The following XPO7 variants were observed in gnomAD, a reference collection of about 807,000 sequenced individuals.
XPO7 encodes exportin-7.
Under a neutral mutation model 144.3 loss-of-function variants are expected in XPO7, and 21 were observed. The ratio of observed to expected loss-of-function variants is 0.15; its 90% CI spans 0.10 to 0.21. XPO7 has a LOEUF of 0.21. Ranked by LOEUF, XPO7 falls within the 10% of genes least tolerant of loss-of-function variation. The pLI, the probability that XPO7 is intolerant of heterozygous loss-of-function variation, is 1.00. For synonymous variants in XPO7, 580 were observed against 499.6 expected, an observed-to-expected ratio of 1.16 and a Z score of -2.15; for missense variants, 808 against 1,325.8, an observed-to-expected ratio of 0.61 and a Z score of 6.06.
At chr8:21,944,763 C>A (rs1280423070) in intron 1 of XPO7, among the ~76,000 whole-genome samples, 2 of 152,090 alleles carry the variant, frequency 1.3e-5, no homozygotes, top group Non-Finnish European at 2.9e-5. Flanking sequence ...CCGCCTTCCG[C>A]ATTGTTTGTG....
chr8:21,994,467 C>G lies in XPO7; in HGVS notation c.2237+16C>G. Reference sequence around the variant, plus strand: ...TTGAATGGATGTATCCTAACTCAAACTAGGAGCACACTACAGCCTGCCTTA... The same window carrying G: ...TTGAATGGATGTATCCTAACTCAAAGTAGGAGCACACTACAGCCTGCCTTA... On this transcript the variant is annotated intron_variant, in intron 20 of 27. Coordinates refer to ENST00000252512, the MANE Select transcript of XPO7 (RefSeq NM_015024.5). The G allele has an allele frequency of 6.2e-7, 1 of 1,605,084 alleles. No individual in the cohort carries two copies. The highest frequency in any genetic ancestry group is 8.5e-7 in the Non-Finnish European group (1 of 1,174,152).
intron 16 of XPO7, 103 bp from the exon 17 acceptor site, chr8:21,990,241 A>T (rs1356588779): frequency 8.5e-7 from 1 of 1,181,596 alleles, no homozygotes; most frequent in Admixed American, 1.9e-5. Flanking sequence ...TTTTTAAAAA[A>T]TAAGATATTT....
chr8:21,978,209 A>G (rs541122138), intron 8 of XPO7, among the ~76,000 whole-genome samples: 141 of 152,334 alleles, frequency 9.3e-4, no homozygotes, highest in Non-Finnish European at 1.7e-3. Context: ...TTAGGTGTAC[A>G]TTAGATTGTC....
chr8:21,980,396 G>T (rs893315628), intron 9 of XPO7, among the ~76,000 whole-genome samples, 193 bp downstream of exon 9: 1 of 152,172 alleles, frequency 6.6e-6, no homozygotes, highest in Admixed American at 6.5e-5. Flanking sequence ...TCCCGCTTCA[G>T]AAATGTAGGA....
intron 1 of XPO7, among the ~76,000 whole-genome samples, chr8:21,953,406 G>T (rs1811435102): frequency 6.6e-6 from 1 of 152,102 alleles, no homozygotes; most frequent in Admixed American, 6.5e-5. Context: ...CTTAAACTTA[G>T]CAGTATGCAT....
chr8:21,927,616 G>C (rs1810502278), intron 1 of XPO7, among the ~76,000 whole-genome samples: 2 of 150,160 alleles, frequency 1.3e-5, no homozygotes, highest in South Asian at 4.2e-4. Flanking sequence ...CGCAATCTCG[G>C]CTCACGGCAA....
At chr8:22,003,120 G>T in intron 25 of XPO7, 99 bp from the exon 26 acceptor site, 1 of 773,336 alleles carries the variant, frequency 1.3e-6, no homozygotes. Context: ...ATACAGAAAA[G>T]GCCTTCAGCC....
In XPO7 at chr8:22,006,260, GT is replaced by G. The variant is rs1051461030; in HGVS notation, c.*1176del. On this transcript the variant is annotated 3_prime_UTR_variant, in exon 28 of 28. Transcript: ENST00000252512. ...TTATAAAATGAAAACCATAATAAATGTTTTGAATATTAAAAAAAATAATAAC... is the reference window on the plus strand; with the variant it reads ...TTATAAAATGAAAACCATAATAAATGTTTGAATATTAAAAAAAATAATAAC... 6.6e-6 allele frequency: 1 copy of G among 152,046 alleles called. No individual in the cohort carries two copies. Among genetic ancestry groups the G allele is most frequent in the African/African-American group, 2.4e-5 (1 of 41,384 alleles). 9.4% of individuals were successfully genotyped at this position (152,046 alleles called of 1,614,324 possible).
At chr8:21,972,421 G>A (rs573502700) in intron 5 of XPO7, among the ~76,000 whole-genome samples, 6 of 152,192 alleles carry the variant, frequency 3.9e-5, no homozygotes, top group African/African-American at 9.6e-5. Flanking sequence ...AGGTTGCAGC[G>A]AGCCAAGATC....
chr8:22,000,884 T>G (rs970882816), intron 24 of XPO7, among the ~76,000 whole-genome samples: 1 of 152,212 alleles, frequency 6.6e-6, no homozygotes, highest in Admixed American at 6.5e-5. Flanking sequence ...TTTTGGATTG[T>G]CAACTGTGGT....
chr8:21,937,132 T>A (rs987005849), intron 1 of XPO7, among the ~76,000 whole-genome samples: 7 of 152,210 alleles, frequency 4.6e-5, no homozygotes, highest in Non-Finnish European at 8.8e-5. Flanking sequence ...TCTTGTGGAA[T>A]TTTTGGCATG....
chr8:21,968,534 G>T (rs1033956840), intron 2 of XPO7, among the ~76,000 whole-genome samples: 1 of 152,176 alleles, frequency 6.6e-6, no homozygotes, highest in Non-Finnish European at 1.5e-5. Context: ...ACTTGTATTT[G>T]TCCTGTGGGA....
intron 1 of XPO7, among the ~76,000 whole-genome samples, chr8:21,927,169 T>A (rs1456780628): frequency 6.6e-6 from 1 of 152,054 alleles, no homozygotes; most frequent in East Asian, 1.9e-4. Context: ...GGAGGATCAC[T>A]TGGGTACAGG....
rs536691428 is a variant in XPO7 at position 21,974,503 on chromosome 8, C to T, written c.493-167C>T. On this transcript the variant is annotated intron_variant, in intron 5 of 27. Transcript: ENST00000252512. ...ACCCTGGCTATTAGCAGTTTACTAT[C>T]CTCCATCCTTTCACTAGATAGCGTT... Among the ~76,000 whole-genome samples, 3 of 152,320 alleles carry T rather than the reference C, an allele frequency of 2.0e-5. No individual in the cohort carries two copies. The East Asian group carries it at 5.8e-4, about 29-fold the overall frequency.
chr8:21,944,745 G>GCCGCCTT (rs992543877), intron 1 of XPO7, among the ~76,000 whole-genome samples: 3 of 152,052 alleles, frequency 2.0e-5, no homozygotes, highest in Admixed American at 6.5e-5. Context: ...CCTAGGCCCT[G>GCCGCCTT]CCGCCTTCCG....
At chr8:21,927,897 C>T (rs999266298) in intron 1 of XPO7, among the ~76,000 whole-genome samples, 1 of 152,170 alleles carries the variant, frequency 6.6e-6, no homozygotes, top group Non-Finnish European at 1.5e-5. Context: ...ATGTAAACAG[C>T]ACTCACAAAA....
intron 1 of XPO7, among the ~76,000 whole-genome samples, chr8:21,929,622 C>G (rs1432129429): frequency 1.3e-5 from 2 of 152,202 alleles, no homozygotes; most frequent in African/African-American, 4.8e-5. Flanking sequence ...TCCTGATTCA[C>G]TAGCAATCGT....
chr8:21,932,783 C>G (rs1317459310), intron 1 of XPO7, among the ~76,000 whole-genome samples: 2 of 152,114 alleles, frequency 1.3e-5, no homozygotes, highest in South Asian at 4.1e-4. Context: ...TATAGTCTAG[C>G]GGCTAGTCGT....
intron 1 of XPO7, among the ~76,000 whole-genome samples, chr8:21,946,811 A>G (rs962120611): frequency 2.6e-5 from 4 of 152,098 alleles, no homozygotes; most frequent in African/African-American, 9.7e-5. Context: ...CACAAATAAT[A>G]AAGACAAAAC....
Sources: allele counts gnomAD v4.1 joint callset (sites outside exome capture counted in the v4.1 genomes callset), GRCh38; gene constraint gnomAD v4.1.1; transcripts MANE v1.5; gene names NCBI Gene and HGNC (gene_info 2026-07-23, HGNC 2026-07-21).